EPHA3: variants seen among roughly 807,000 people sequenced by gnomAD.
EPHA3 encodes ephrin type-A receptor 3.
EPHA3 carries 42 observed loss-of-function variants against 107.1 expected under a neutral mutation model. That is an observed-to-expected ratio of 0.39 (90% CI 0.31 to 0.51). The LOEUF (loss-of-function observed/expected upper bound fraction) is 0.51. Among genes scored for constraint, EPHA3 ranks in the 20% least tolerant of loss-of-function variants. The pLI, the probability that EPHA3 is intolerant of heterozygous loss-of-function variation, is 0.78. For synonymous variants in EPHA3, 461 were observed against 424.8 expected, an observed-to-expected ratio of 1.09 and a Z score of -1.05; for missense variants, 1,183 against 1,211.2, an observed-to-expected ratio of 0.98 and a Z score of 0.35.
At chr3:89,455,170 T>G (rs181483585) in intron 15 of EPHA3, among the ~76,000 whole-genome samples, 34 of 152,238 alleles carry the variant, frequency 2.2e-4, no homozygotes, top group Admixed American at 2.2e-3. Context: ...TTTCTGCCAC[T>G]CTTGTAAACA....
chr3:89,346,615 T>A lies in EPHA3; in HGVS notation c.1306+4525T>A, dbSNP rs897339360. Among the ~76,000 whole-genome samples, 10 of 150,924 alleles carry A rather than the reference T, an allele frequency of 6.6e-5. 1 individual carries two copies. The highest frequency in any genetic ancestry group is 1.3e-4 in the Non-Finnish European group (9 of 67,438). On this transcript the variant is annotated intron_variant, in intron 5 of 16. Coordinates refer to ENST00000336596, the MANE Select transcript of EPHA3 (RefSeq NM_005233.6). The stretch of plus-strand genomic sequence containing the variant: ...TTTCTTTTGCTGTGCAGAAGCTCTT[T>A]ATTTTAATTAGATCCCATTTGTCAA...
chr3:89,216,535 C>T (rs1168673839), intron 3 of EPHA3, among the ~76,000 whole-genome samples: 2 of 152,050 alleles, frequency 1.3e-5, no homozygotes, highest in African/African-American at 4.8e-5. Flanking sequence ...TCATAATTTA[C>T]TGTCAAGGCT....
intron 13 of EPHA3, among the ~76,000 whole-genome samples, chr3:89,434,507 T>G (rs1012940217): frequency 6.6e-6 from 1 of 152,140 alleles, no homozygotes; most frequent in Non-Finnish European, 1.5e-5. Flanking sequence ...CGTGAGCCAC[T>G]GTTACCAGCC....
intron 11 of EPHA3, among the ~76,000 whole-genome samples, chr3:89,427,843 AT>A (rs1709489892): frequency 6.6e-6 from 1 of 151,956 alleles, no homozygotes; most frequent in South Asian, 2.1e-4. Flanking sequence ...GCAATGTTAC[AT>A]AATTCTAATC....
intron 2 of EPHA3, among the ~76,000 whole-genome samples, chr3:89,172,264 A>C (rs574192882): frequency 6.6e-6 from 1 of 152,116 alleles, no homozygotes; most frequent in Non-Finnish European, 1.5e-5. Context: ...CTTCATTCAC[A>C]TGTCAGGAGC....
At chr3:89,393,886 CT>C (rs1257283759) in intron 5 of EPHA3, among the ~76,000 whole-genome samples, 1 of 151,906 alleles carries the variant, frequency 6.6e-6, no homozygotes, top group African/African-American at 2.4e-5. Flanking sequence ...AGAAAAATAA[CT>C]TATCTTTTGC....
chr3:89,432,428 GC>G (rs1341606506), intron 13 of EPHA3, among the ~76,000 whole-genome samples: 1 of 151,886 alleles, frequency 6.6e-6, no homozygotes, highest in Non-Finnish European at 1.5e-5. Flanking sequence ...TGTCACCCAG[GC>G]TGGAGTGCAG....
At chr3:89,158,584 G>T (rs1704855777) in intron 2 of EPHA3, among the ~76,000 whole-genome samples, 1 of 152,134 alleles carries the variant, frequency 6.6e-6, no homozygotes, top group South Asian at 2.1e-4. Flanking sequence ...TATTATGTCT[G>T]CTTTTCCCAG....
At chr3:89,332,781 A>G (rs1289201280) in intron 3 of EPHA3, among the ~76,000 whole-genome samples, 2 of 152,192 alleles carry the variant, frequency 1.3e-5, no homozygotes, top group African/African-American at 2.4e-5. Flanking sequence ...GGGAATTGCT[A>G]ATATAGCCCT....
At chr3:89,141,744 T>C (rs9864261) in intron 2 of EPHA3, among the ~76,000 whole-genome samples, 18,409 of 151,508 alleles carry the variant, frequency 0.12, 1,107 homozygotes, top group Admixed American at 0.14. Context: ...TATATATATA[T>C]ACACACATAC....
chr3:89,127,093 G>A (rs1436833165), intron 1 of EPHA3, 116 bp from the exon 2 acceptor site: 3 of 764,084 alleles, frequency 3.9e-6, no homozygotes, highest in African/African-American at 1.8e-5. Flanking sequence ...CTTATAATGA[G>A]AAGGAAGAGT....
intron 2 of EPHA3, among the ~76,000 whole-genome samples, chr3:89,138,935 C>T (rs970407594): frequency 1.3e-5 from 2 of 151,538 alleles, no homozygotes; most frequent in African/African-American, 2.4e-5. Flanking sequence ...ACTCAGTGAA[C>T]ATGAAAATTA....
rs773589846 is a variant in EPHA3 at position 89,340,898 on chromosome 3, G to C, written c.815-18G>C. Reference sequence around the variant, plus strand: ...AAAATTATCACAGACTTTTAAAAGAGAGTCATTTTGTTTGTAGCTTGTCGA... The same window carrying C: ...AAAATTATCACAGACTTTTAAAAGACAGTCATTTTGTTTGTAGCTTGTCGA... On this transcript the variant is annotated intron_variant, in intron 3 of 16. Transcript: ENST00000336596. The C allele has an allele frequency of 6.3e-7, 1 of 1,581,106 alleles. No homozygotes were observed. The highest frequency in any genetic ancestry group is 8.6e-7 in the Non-Finnish European group (1 of 1,166,634).
chr3:89,281,182 C>T (rs1260915857), intron 3 of EPHA3, among the ~76,000 whole-genome samples: 1 of 152,108 alleles, frequency 6.6e-6, no homozygotes, highest in Non-Finnish European at 1.5e-5. Flanking sequence ...CGCCGCCACG[C>T]CCGGCTAATT....
chr3:89,471,575 G>A (rs991420540), intron 15 of EPHA3, among the ~76,000 whole-genome samples: 7 of 152,050 alleles, frequency 4.6e-5, no homozygotes, highest in Admixed American at 3.9e-4. Context: ...TGTTGGTGAG[G>A]TTGGTCTCGA....
chr3:89,190,226 A>G (rs1366668442), intron 2 of EPHA3, among the ~76,000 whole-genome samples: 1 of 152,132 alleles, frequency 6.6e-6, no homozygotes, highest in Non-Finnish European at 1.5e-5. Flanking sequence ...AAATATTAAC[A>G]TTTCTGGACC....
chr3:89,119,358 CT>C (rs747294373), intron 1 of EPHA3, among the ~76,000 whole-genome samples: 15 of 152,114 alleles, frequency 9.9e-5, no homozygotes, highest in Non-Finnish European at 2.1e-4. Context: ...ATTCTGCCAT[CT>C]CTTTCATCAA....
chr3:89,171,779 G>C (rs1705214001), intron 2 of EPHA3, among the ~76,000 whole-genome samples: 1 of 152,128 alleles, frequency 6.6e-6, no homozygotes, highest in Non-Finnish European at 1.5e-5. Context: ...GAAAAGCAAA[G>C]GTTCATGGCC....
At chr3:89,214,023 C>A (rs1576236707) in intron 3 of EPHA3, among the ~76,000 whole-genome samples, 1 of 151,880 alleles carries the variant, frequency 6.6e-6, no homozygotes. Flanking sequence ...TACATTATAG[C>A]TTTATAATAG....
Sources: allele counts gnomAD v4.1 joint callset (sites outside exome capture counted in the v4.1 genomes callset), GRCh38; gene constraint gnomAD v4.1.1; transcripts MANE v1.5; gene names NCBI Gene and HGNC (gene_info 2026-07-23, HGNC 2026-07-21).